Variants in PRKAR1B observed in about 807,000 individuals in gnomAD.
PRKAR1B encodes the protein cAMP-dependent protein kinase type I-beta regulatory subunit.
A neutral mutation model predicts 46.5 loss-of-function variants in PRKAR1B; 22 were observed. The ratio of observed to expected loss-of-function variants is 0.47; its 90% CI spans 0.34 to 0.68. The LOEUF is 0.68. Among genes scored for constraint, PRKAR1B ranks in the 30% least tolerant of loss-of-function variants. The pLI, the probability that PRKAR1B is intolerant of heterozygous loss-of-function variation, is 0.01. For missense variants in PRKAR1B, 445 were observed against 535.6 expected, an observed-to-expected ratio of 0.83 and a Z score of 1.67; for synonymous variants, 259 against 217.7, an observed-to-expected ratio of 1.19 and a Z score of -1.67.
intron 9 of PRKAR1B, among the ~76,000 whole-genome samples, chr7:578,080 G>T (rs1779959901): frequency 6.6e-6 from 1 of 152,242 alleles, no homozygotes; most frequent in Non-Finnish European, 1.5e-5. Context: ...AACTGACAAT[G>T]GTGCACGGGT....
At chr7:579,626 G>A (rs549748631) in intron 8 of PRKAR1B, among the ~76,000 whole-genome samples, 100 of 152,356 alleles carry the variant, frequency 6.6e-4, no homozygotes, top group African/African-American at 2.2e-3. Flanking sequence ...TTCACCAGTT[G>A]CGGAGGGAGC....
chr7:614,555 C>T (rs1782699139), intron 4 of PRKAR1B, among the ~76,000 whole-genome samples: 2 of 152,028 alleles, frequency 1.3e-5, no homozygotes, highest in African/African-American at 4.8e-5. Context: ...TCGCTGGGCC[C>T]AGGAGTTTGA....
rs1053377740 is a variant in PRKAR1B, at chr7:602,304, C to T, written c.549+3889G>A. 3.3e-5 allele frequency among the ~76,000 whole-genome samples: 5 copies of T among 151,840 alleles called. No homozygotes were observed. The highest frequency in any genetic ancestry group is 1.2e-4 in the African/African-American group (5 of 41,346). ...GCGGCGGGGGGAGGGGGGGTCTGTCCTGCTGGAAGGACGGAGGGAAGGGAG... is the reference window on the plus strand; with the variant it reads ...GCGGCGGGGGGAGGGGGGGTCTGTCTTGCTGGAAGGACGGAGGGAAGGGAG... On this transcript the variant is annotated intron_variant, in intron 6 of 10. Transcript: ENST00000537384. This position sits in a 1 kb window ranked among gnomAD's most constrained non-coding sequence, Gnocchi z 6.4.
At chr7:585,034 CT>C (rs1414391261) in intron 7 of PRKAR1B, among the ~76,000 whole-genome samples, 1 of 152,176 alleles carries the variant, frequency 6.6e-6, no homozygotes, top group Non-Finnish European at 1.5e-5. Context: ...CTGAAGCTGC[CT>C]CGTTACCCAT....
At chr7:643,759 T>A (rs1042422764) in intron 4 of PRKAR1B, among the ~76,000 whole-genome samples, 5 of 150,996 alleles carry the variant, frequency 3.3e-5, no homozygotes, top group Admixed American at 2.6e-4. Context: ...GAATACCAGC[T>A]ATTAAAGCCC....
At chr7:622,740 T>C (rs528340009) in intron 4 of PRKAR1B, among the ~76,000 whole-genome samples, 1 of 152,236 alleles carries the variant, frequency 6.6e-6, no homozygotes, top group African/African-American at 2.4e-5. Context: ...ACGGGAATGA[T>C]GAGTGAAGAA....
intron 9 of PRKAR1B, among the ~76,000 whole-genome samples, chr7:573,625 C>T (rs539360672): frequency 2.6e-5 from 4 of 152,230 alleles, no homozygotes; most frequent in East Asian, 1.9e-4. Flanking sequence ...GAAAATCAGC[C>T]GTAACGGCCT....
intron 9 of PRKAR1B, among the ~76,000 whole-genome samples, chr7:574,531 G>A (rs1004643717): frequency 3.3e-5 from 5 of 151,314 alleles, no homozygotes; most frequent in African/African-American, 9.7e-5. Flanking sequence ...TGCAATCTCT[G>A]CCTCCTGGGT....
intron 4 of PRKAR1B, among the ~76,000 whole-genome samples, chr7:659,721 T>C (rs1301128234): frequency 6.6e-6 from 1 of 152,110 alleles, no homozygotes; most frequent in Non-Finnish European, 1.5e-5. Context: ...TTTGTTTTTG[T>C]TTTTGTTTTT....
At chr7:606,890 GTA>G (rs762175978) in intron 5 of PRKAR1B, among the ~76,000 whole-genome samples, 54 of 151,718 alleles carry the variant, frequency 3.6e-4, no homozygotes, top group Admixed American at 1.0e-3. Flanking sequence ...ACACACATAT[GTA>G]TATATGTGTA....
intron 4 of PRKAR1B, among the ~76,000 whole-genome samples, chr7:659,068 C>CGGAGATGTGCA (rs150742859): frequency 0.062 from 9,502 of 152,224 alleles, 386 homozygotes; most frequent in Non-Finnish European, 0.096. Flanking sequence ...AGACACTCTG[C>CGGAGATGTGCA]GGAGATGTGC....
intron 9 of PRKAR1B, among the ~76,000 whole-genome samples, chr7:561,155 GCACA>G (rs971382059): frequency 6.8e-6 from 1 of 148,130 alleles, no homozygotes; most frequent in African/African-American, 2.5e-5. Context: ...ACACACCTGT[GCACA>G]CACACACGGG....
At chr7:696,758 C>T (rs1216824120) in intron 2 of PRKAR1B, 1 of 152,306 alleles carries the variant, frequency 6.6e-6, no homozygotes. Context: ...TTTGCCTGTC[C>T]AGGCTCGACG....
chr7:708,044 G>C (rs1486840369), intron 2 of PRKAR1B, among the ~76,000 whole-genome samples: 1 of 149,090 alleles, frequency 6.7e-6, no homozygotes, highest in Non-Finnish European at 1.5e-5. Flanking sequence ...GGGAGACACA[G>C]AACCTTATCC....
At chr7:596,433 G>C in intron 6 of PRKAR1B, 129 bp from the exon 7 acceptor site, 1 of 1,158,026 alleles carries the variant, frequency 8.6e-7, no homozygotes, top group African/African-American at 1.5e-5. Context: ...AAGCCCTTTC[G>C]CTTGTGGGCA....
chr7:692,866 G>A (rs1779513047), intron 2 of PRKAR1B, among the ~76,000 whole-genome samples: 1 of 152,096 alleles, frequency 6.6e-6, no homozygotes. Flanking sequence ...GGAAAACCTG[G>A]GGCTTCATCC....
At chr7:605,798 C>T (rs1782002102) in intron 6 of PRKAR1B, among the ~76,000 whole-genome samples, 1 of 152,190 alleles carries the variant, frequency 6.6e-6, no homozygotes, top group East Asian at 1.9e-4. Context: ...TCTCTAAGCA[C>T]GTCGCTCTCC....
chr7:558,978 G>A (rs1278939448), intron 9 of PRKAR1B, among the ~76,000 whole-genome samples: 2 of 152,230 alleles, frequency 1.3e-5, no homozygotes, highest in African/African-American at 4.8e-5. Context: ...TGCCACAGGC[G>A]TGGACGGCGG....
At chr7:697,021 G>C (rs1779777170) in intron 2 of PRKAR1B, 2 of 152,242 alleles carry the variant, frequency 1.3e-5, no homozygotes. Flanking sequence ...TTTTCATACT[G>C]ATGCATTGTC....
Sources: gnomAD v4.1 joint callset for allele counts (sites outside exome capture counted in the v4.1 genomes callset) on GRCh38, gnomAD v4.1.1 for gene constraint, Gnocchi (gnomAD v3.1) non-coding constraint, MANE v1.5 for transcripts, NCBI Gene and HGNC (gene_info 2026-07-23, HGNC 2026-07-21) for gene names.